The following PXN variants were observed in gnomAD, a reference collection of about 807,000 sequenced individuals.
PXN encodes paxillin, also known as testicular tissue protein Li 134.
In PXN, 61 loss-of-function variants were observed where a neutral mutation model predicts 103.6. The observed-to-expected ratio is 0.59, with a 90% confidence interval of 0.48 to 0.73. PXN has a LOEUF of 0.73. PXN is among the 30% of genes least tolerant of loss of function. The probability of loss-of-function intolerance (pLI) is 0.00; values close to 1 mark genes in which losing one functional copy is unlikely to be tolerated. For synonymous variants in PXN, 562 were observed against 607.8 expected (o/e 0.92, Z 1.11); for missense variants, 1,274 against 1,460.3 (o/e 0.87, Z 2.08).
At position 120,219,290 on chromosome 12, in the gene PXN, C is replaced by T. The variant is rs755066354; in HGVS notation, c.1633G>A (p.Asp545Asn). Reference protein sequence around the residue: ...PEGTTEAATQDGKEQPELPCA... With the variant: ...PEGTTEAATQNGKEQPELPCA... ...GGAAGCTCTGGCTGTTCCTTCCCGTCCTGGGTGGCAGCTTCCGTGGTGCCC... is the reference window on the plus strand; with the variant it reads ...GGAAGCTCTGGCTGTTCCTTCCCGTTCTGGGTGGCAGCTTCCGTGGTGCCC... Residue 545 changes from aspartate to asparagine, a missense_variant, in exon 7 of 15, where the codon GAC becomes AAC. Asp to Asn is a conservative substitution (Grantham distance 23). Around this residue, in one of 2 missense-constraint regions of PXN, gnomAD observed 1,178 missense variants for 1,309.0 expected, o/e 0.90. Transcript: ENST00000637617. The surrounding 1 kb of genome is among the most constrained non-coding windows in gnomAD (Gnocchi z 6.5). 6.3e-7 allele frequency: 1 copy of T among 1,598,454 alleles called. No individual in the cohort carries two copies. Among genetic ancestry groups the T allele is most frequent in the Non-Finnish European group, 8.5e-7 (1 of 1,179,806 alleles).
In PXN at chr12:120,217,173, G is replaced by T. The variant is rs1883410707; in HGVS notation, c.1717-57C>A. On this transcript the variant is annotated intron_variant, in intron 7 of 14. Transcript: ENST00000637617. This position sits in a 1 kb window ranked among gnomAD's most constrained non-coding sequence, Gnocchi z 4.1. ...TCCCACTCCCAGCTTGCACAACGCT[G>T]CTCAGGCCACACTCAGATGCCTCAG... 1 of 1,377,782 alleles carries T rather than the reference G, an allele frequency of 7.3e-7. No homozygotes were observed. The highest frequency in any genetic ancestry group is 1.0e-6 in the Non-Finnish European group (1 of 1,002,736). 85.3% of individuals were successfully genotyped at this position (1,377,782 alleles called of 1,614,324 possible). A position where few individuals can be genotyped will look rare whatever the true frequency, so the allele number is the denominator to read the frequency against.
chr12:120,250,232 TC>T (rs2136618275), intron 1 of PXN: 1 of 974,428 alleles, frequency 1.0e-6, no homozygotes, highest in African/African-American at 1.8e-5. Flanking sequence ...AGAGGAATGT[TC>T]CTGGAAACAG....
In PXN at chr12:120,217,023, A is replaced by G; in HGVS notation, c.1810T>C (p.Leu604=). The G allele has an allele frequency of 6.3e-7, 1 of 1,581,482 alleles. No homozygotes were observed. Among genetic ancestry groups the G allele is most frequent in the Non-Finnish European group, 8.5e-7 (1 of 1,172,230 alleles). The stretch of plus-strand genomic sequence containing the variant: ...TGTTCCTGGGATGGGGTCCTGCTCA[A>G]GGTGGCAGGGTCCAGCCGGCGGCGA... ...SPRRRLDPAT[L]SRTPSQEQLI... Residue 604 remains leucine (L), a synonymous_variant, in exon 8 of 15, where the codon TTG becomes CTG. Coordinates refer to ENST00000637617, the MANE Select transcript of PXN (RefSeq NM_001385981.1). The surrounding 1 kb of genome is among the most constrained non-coding windows in gnomAD (Gnocchi z 4.1).
intron 1 of PXN, among the ~76,000 whole-genome samples, chr12:120,259,614 C>T (rs530332763): frequency 6.6e-6 from 1 of 152,296 alleles, no homozygotes; most frequent in East Asian, 1.9e-4. Context: ...ACTGGCCCAG[C>T]ATCCAAGGCC....
At position 120,234,762 on chromosome 12, in the gene PXN, A is replaced by C. The variant is rs899017040; in HGVS notation, c.14-10385T>G. On this transcript the variant is annotated intron_variant, in intron 1 of 14. Coordinates refer to ENST00000637617, the MANE Select transcript of PXN (RefSeq NM_001385981.1). ...GCGCACAGTGAGTAATGGATGAAAAAGAATGTGAGAGCCATCCTGGTGGCT... is the reference window on the plus strand; with the variant it reads ...GCGCACAGTGAGTAATGGATGAAAACGAATGTGAGAGCCATCCTGGTGGCT... Among the ~76,000 whole-genome samples the C allele has an allele frequency of 1.1e-4, 16 of 152,306 alleles. No homozygotes were observed. The South Asian group carries it at 3.3e-3, about 32-fold the overall frequency.
intron 1 of PXN, among the ~76,000 whole-genome samples, chr12:120,246,819 C>T (rs1333278764): frequency 6.7e-6 from 1 of 149,922 alleles, no homozygotes; most frequent in Non-Finnish European, 1.5e-5. Context: ...TGCGCCACTG[C>T]ACTCCAGCCT....
At position 120,223,734 on chromosome 12, in the gene PXN, C is replaced by T; in HGVS notation, c.340G>A (p.Glu114Lys). 1 of 1,599,024 alleles carries T rather than the reference C, an allele frequency of 6.3e-7. No homozygotes were observed. The highest frequency in any genetic ancestry group is 8.5e-7 in the Non-Finnish European group (1 of 1,172,774). Residue 114 changes from glutamate to lysine, a missense_variant, in exon 3 of 15, where the codon GAG (glutamate) becomes AAG (lysine). By Grantham distance (56) the Glu-to-Lys change is moderately conservative. Transcript: ENST00000637617. ...GGGCAGTACCTGTAGACGTGCTCCT[C>T]CTCACCCACTCGGGAGCACGGAGAG... The part of the protein sequence containing the change: ...VGSPCSRVGE[E>K]EHVYSFPNKQ...
At chr12:120,237,214 A>C (rs79571853) in intron 1 of PXN, among the ~76,000 whole-genome samples, 23,936 of 151,204 alleles carry the variant, frequency 0.16, 2,062 homozygotes, top group East Asian at 0.39. Context: ...GCTGGGGTAC[A>C]GTGGCATGAT....
In PXN at chr12:120,264,492, G is replaced by T. The variant is rs114209699; in HGVS notation, c.13+1125C>A. Among the ~76,000 whole-genome samples, 1,021 of 152,240 alleles carry T rather than the reference G, an allele frequency of 6.7e-3. 21 individuals are homozygous for T. The highest frequency in any genetic ancestry group is 0.023 in the African/African-American group (969 of 41,542). ...CGAATCCTCCCACTCCTGCGTTCAC[G>T]CCACCCAAGGCATTCCTAGAACCCT... On this transcript the variant is annotated intron_variant, in intron 1 of 14. Transcript: ENST00000637617.
intron 1 of PXN, among the ~76,000 whole-genome samples, chr12:120,243,056 C>T (rs1024160062): frequency 3.3e-5 from 5 of 152,088 alleles, no homozygotes; most frequent in Admixed American, 3.3e-4. Flanking sequence ...TTGAAAGATC[C>T]AACTGGACAC....
At chr12:120,218,165 C>G (rs1883897215) in intron 7 of PXN, among the ~76,000 whole-genome samples, 1 of 151,594 alleles carries the variant, frequency 6.6e-6, no homozygotes, top group Non-Finnish European at 1.5e-5. Flanking sequence ...CTGCTTTAGC[C>G]TCCCCAGCAG....
chr12:120,252,295 A>C (rs1892315215), intron 1 of PXN, among the ~76,000 whole-genome samples: 1 of 152,176 alleles, frequency 6.6e-6, no homozygotes, highest in African/African-American at 2.4e-5. Flanking sequence ...AAGGCAGATA[A>C]AATCCCTGTC....
rs1413649082 is a variant in PXN at position 120,222,066 on chromosome 12, C to T, written c.696-308G>A. ...TGGAGGTGAGGCTACTGCAGTAACA[C>T]GACGGCACTGGTAAGAGCTCGCGTG... is the stretch of plus-strand genomic sequence containing the variant. On this transcript the variant is annotated intron_variant, in intron 5 of 14. Coordinates refer to ENST00000637617, the MANE Select transcript of PXN (RefSeq NM_001385981.1). The surrounding 1 kb of genome is among the most constrained non-coding windows in gnomAD (Gnocchi z 4.7). Among the ~76,000 whole-genome samples, 4 of 152,208 alleles carry T rather than the reference C, an allele frequency of 2.6e-5. No individual in the cohort carries two copies. The highest frequency in any genetic ancestry group is 5.9e-5 in the Non-Finnish European group (4 of 68,030).
chr12:120,216,729 C>A lies in PXN; in HGVS notation c.1992+112G>T, dbSNP rs751380464. On this transcript the variant is annotated intron_variant, in intron 8 of 14. Transcript: ENST00000637617. The surrounding 1 kb of genome is among the most constrained non-coding windows in gnomAD (Gnocchi z 5.1). The stretch of plus-strand genomic sequence containing the variant: ...TTCCAAAGTCACAGGAGGCAAGAAA[C>A]CCCCACCCTCTCCCCAGATCTCCCC... The A allele has an allele frequency of 5.0e-6, 8 of 1,593,792 alleles. No individual in the cohort carries two copies. The Admixed American group carries it at 5.1e-5, about 10-fold the overall frequency.
intron 3 of PXN, among the ~76,000 whole-genome samples, 155 bp from the exon 4 acceptor site, chr12:120,223,154 G>C (rs1413944358): frequency 1.3e-5 from 2 of 152,140 alleles, no homozygotes; most frequent in Non-Finnish European, 2.9e-5. Flanking sequence ...GGTAAGAAGA[G>C]GGGAGGAGGC....
intron 1 of PXN, among the ~76,000 whole-genome samples, chr12:120,235,293 G>T (rs1888820021): frequency 6.6e-6 from 1 of 152,158 alleles, no homozygotes; most frequent in African/African-American, 2.4e-5. Context: ...GCCAAAAAGG[G>T]ATCCAAAGAC....
At chr12:120,223,307 G>A (rs755328477) in intron 3 of PXN, among the ~76,000 whole-genome samples, 1 of 152,104 alleles carries the variant, frequency 6.6e-6, no homozygotes, top group African/African-American at 2.4e-5. Flanking sequence ...GGTGGTGGGT[G>A]CCTGTAGTCC....
rs867643962 is a variant in PXN, at chr12:120,238,054, A to G, written c.14-13677T>C. 2.4e-4 allele frequency among the ~76,000 whole-genome samples: 36 copies of G among 152,154 alleles called. 1 individual carries two copies. Among genetic ancestry groups the G allele is most frequent in the African/African-American group, 7.2e-4 (30 of 41,438 alleles). Reference sequence around the variant, plus strand: ...TCTCCGGAGGCCCGGAGCCTTGCCAACTCTCCGCATGGGGAAATCTGCCTC... The same window carrying G: ...TCTCCGGAGGCCCGGAGCCTTGCCAGCTCTCCGCATGGGGAAATCTGCCTC... On this transcript the variant is annotated intron_variant, in intron 1 of 14. Coordinates refer to ENST00000637617, the MANE Select transcript of PXN (RefSeq NM_001385981.1).
At chr12:120,238,714 G>A (rs1473112261) in intron 1 of PXN, among the ~76,000 whole-genome samples, 6 of 152,210 alleles carry the variant, frequency 3.9e-5, no homozygotes, top group Non-Finnish European at 8.8e-5. Context: ...AATACTCTGA[G>A]GGGAAACTGG....
Sources: gnomAD v4.1 joint callset for allele counts (sites outside exome capture counted in the v4.1 genomes callset) on GRCh38, gnomAD v4.1.1 for gene constraint, gnomAD v4.1.1 regional missense constraint, Gnocchi (gnomAD v3.1) non-coding constraint, MANE v1.5 for transcripts, NCBI Gene and HGNC (gene_info 2026-07-23, HGNC 2026-07-21) for gene names.